COL5A2: variants seen among roughly 807,000 people sequenced by gnomAD.
COL5A2 encodes the protein collagen type V alpha 2 chain.
Under a neutral mutation model 208.2 loss-of-function variants are expected in COL5A2, and 23 were observed. The ratio of observed to expected loss-of-function variants is 0.11; its 90% confidence interval spans 0.08 to 0.16. The LOEUF (loss-of-function observed/expected upper bound fraction) is 0.16, where lower values mean the gene tolerates loss of function less well. Ranked by LOEUF, COL5A2 falls within the 10% of genes least tolerant of loss-of-function variation. The pLI is 1.00. For missense variants in COL5A2, 1,590 were observed against 1,956.4 expected, an observed-to-expected ratio of 0.81 and a Z score of 3.53; for synonymous variants, 625 against 628.5, an observed-to-expected ratio of 0.99 and a Z score of 0.08.
At chr2:189,429,788 C>T in the COL5A2 span, among the ~76,000 whole-genome samples, 1 of 152,158 alleles carries the variant, frequency 6.6e-6, no homozygotes, top group African/African-American at 2.4e-5. Context: ...ACATAGTTGA[C>T]ATTCTATCTT....
chr2:189,207,283 C>T (rs888715295), intron 1 of COL5A2, among the ~76,000 whole-genome samples: 6 of 152,036 alleles, frequency 3.9e-5, no homozygotes, highest in Admixed American at 6.6e-5. Context: ...CTCCTCTAAT[C>T]CTTTTTTTTA....
intron 1 of COL5A2, among the ~76,000 whole-genome samples, chr2:189,124,152 T>A (rs1392725732): frequency 6.6e-6 from 1 of 152,160 alleles, no homozygotes; most frequent in Non-Finnish European, 1.5e-5. Context: ...AAAGAAAATG[T>A]GTGAGAACAA....
At chr2:189,237,818 G>A in the COL5A2 span, among the ~76,000 whole-genome samples, 5 of 151,744 alleles carry the variant, frequency 3.3e-5, no homozygotes, top group East Asian at 1.9e-4. Context: ...TAAATGTGGC[G>A]AAGTAATTAT....
At chr2:189,334,558 T>A in the COL5A2 span, among the ~76,000 whole-genome samples, 1 of 151,860 alleles carries the variant, frequency 6.6e-6, no homozygotes, top group East Asian at 1.9e-4. Flanking sequence ...ATTAAAAAAA[T>A]AAAAATAATT....
At chr2:189,187,870 G>C (rs976171564) in intron 1 of COL5A2, among the ~76,000 whole-genome samples, 21 of 151,814 alleles carry the variant, frequency 1.4e-4, no homozygotes, top group African/African-American at 4.6e-4. Flanking sequence ...TCAGGAGGCC[G>C]AGGCAGGAGA....
rs34715449 is a variant in COL5A2 at position 189,057,290 on chromosome 2, G to GAAAAAAAAAAAAAA, written c.2337+16_2337+29dup. 1.2e-4 allele frequency: 86 copies of GAAAAAAAAAAAAAA among 710,610 alleles called. 8 individuals are homozygous for GAAAAAAAAAAAAAA. The highest frequency in any genetic ancestry group is 2.8e-4 in the South Asian group (15 of 54,220). 44.0% of individuals were successfully genotyped at this position (710,610 alleles called of 1,614,324 possible). A position where few individuals can be genotyped will look rare whatever the true frequency, so the allele number is the denominator to read the frequency against. ...AGCAGAAAGTCTGAATAAATGAACT[G>GAAAAAAAAAAAAAA]AAAAAAAAAAAAAAAAAAAAAGGAC... On this transcript the variant is annotated intron_variant, in intron 34 of 53. Coordinates refer to ENST00000374866, the MANE Select transcript of COL5A2 (RefSeq NM_000393.5).
chr2:189,333,865 T>C, the COL5A2 span, among the ~76,000 whole-genome samples: 2 of 151,910 alleles, frequency 1.3e-5, no homozygotes, highest in East Asian at 1.9e-4. Flanking sequence ...ACTCAGTCTG[T>C]AGGACTTTGT....
chr2:189,142,622 A>C (rs546406123), intron 1 of COL5A2, among the ~76,000 whole-genome samples: 64 of 152,270 alleles, frequency 4.2e-4, no homozygotes, highest in African/African-American at 1.5e-3. Context: ...TCCATATTTT[A>C]CCTTAATTAA....
chr2:189,235,977 G>A, the COL5A2 span, among the ~76,000 whole-genome samples: 4 of 151,218 alleles, frequency 2.6e-5, no homozygotes, highest in African/African-American at 7.3e-5. Context: ...TCCAGGCAGA[G>A]GCTGCATATT....
the COL5A2 span, among the ~76,000 whole-genome samples, chr2:189,275,658 G>A: frequency 6.6e-6 from 1 of 151,658 alleles, no homozygotes; most frequent in African/African-American, 2.4e-5. Flanking sequence ...TCACCATATT[G>A]GCCAGGCTGG....
rs1029986122 is a variant in COL5A2, at chr2:189,201,007, T to C, written c.-42+24141A>G. 4.6e-5 allele frequency among the ~76,000 whole-genome samples: 7 copies of C among 152,136 alleles called. 2 individuals are homozygous for C. In the South Asian group the frequency reaches 1.5e-3, roughly 32 times the overall value. On this transcript the variant is annotated intron_variant, in intron 1 of 10. Coordinates refer to the COL5A2 transcript ENST00000649966. ...AAAAGAAATATCATGGAAACCTGGA[T>C]CTACACACACACAAATATAAGATCT...
rs751994927 is a variant in COL5A2, at chr2:189,097,338, A to G, written c.403-8T>C. On this transcript the variant is annotated splice_region_variant and splice_polypyrimidine_tract_variant and intron_variant, in intron 5 of 53. Transcript: ENST00000374866. ...CTGTGATCCTGGAGGTCCCTAAAAC[A>G]GAAAATGATGATTATGCATGCAAAA... is the stretch of plus-strand genomic sequence containing the variant. 1 of 1,614,014 alleles carries G rather than the reference A, an allele frequency of 6.2e-7. No homozygotes were observed. Among genetic ancestry groups the G allele is most frequent in the East Asian group, 2.2e-5 (1 of 44,862 alleles).
intron 53 of COL5A2, 85 bp downstream of exon 53, chr2:189,034,831 C>A (rs1460335861): frequency 5.9e-6 from 9 of 1,535,324 alleles, no homozygotes; most frequent in Non-Finnish European, 8.1e-6. Flanking sequence ...GTAAAATTGC[C>A]CCCAGTTCTA....
At chr2:189,354,890 C>T in the COL5A2 span, among the ~76,000 whole-genome samples, 1 of 152,156 alleles carries the variant, frequency 6.6e-6, no homozygotes, top group African/African-American at 2.4e-5. Context: ...GATTTTAGAT[C>T]TTTCCTGCTT....
At chr2:189,277,765 A>G in the COL5A2 span, among the ~76,000 whole-genome samples, 1 of 152,154 alleles carries the variant, frequency 6.6e-6, no homozygotes, top group Non-Finnish European at 1.5e-5. Context: ...TTCTAAAAGA[A>G]TAGCCAATTG....
chr2:189,361,783 T>C, the COL5A2 span, among the ~76,000 whole-genome samples: 1 of 152,086 alleles, frequency 6.6e-6, no homozygotes, highest in Admixed American at 6.6e-5. Flanking sequence ...CTATTATAGG[T>C]ATTTGCTTCG....
chr2:189,275,360 G>C, the COL5A2 span, among the ~76,000 whole-genome samples: 1 of 151,334 alleles, frequency 6.6e-6, no homozygotes, highest in East Asian at 1.9e-4. Context: ...TTCCATTTGG[G>C]CATCTTTTTT....
chr2:189,228,192 A>T (rs1256083878), upstream of COL5A2, among the ~76,000 whole-genome samples: 1 of 151,944 alleles, frequency 6.6e-6, no homozygotes, highest in Non-Finnish European at 1.5e-5. Context: ...TAAAGCAATA[A>T]ATGCCTACGT....
Position 189,085,739 on chromosome 2 carries a change from G to C in COL5A2, c.724C>G (p.Pro242Ala). The change falls in exon 10 of 54, where the codon CCT becomes GCT. Residue 242 changes from proline to alanine, a missense_variant. Transcript: ENST00000374866. ...GAGPTGPPGE[P>A]GDPGPMGPIG... ...TTTACCATTGGTCCAGGATCACCAG[G>C]TTCACCAGGAGGTCCTGTAGGTCCT... 1 of 1,613,516 alleles carries C rather than the reference G, an allele frequency of 6.2e-7. No homozygotes were observed. The highest frequency in any genetic ancestry group is 8.5e-7 in the Non-Finnish European group (1 of 1,179,548).
Sources: allele counts gnomAD v4.1 joint callset (sites outside exome capture counted in the v4.1 genomes callset), GRCh38; gene constraint gnomAD v4.1.1; transcripts MANE v1.5; gene names NCBI Gene and HGNC (gene_info 2026-07-23, HGNC 2026-07-21).